LOC400499: variants seen among roughly 807,000 people sequenced by gnomAD.
At chr16:11,431,298 A>C in the LOC400499 span, 2 of 398,744 alleles carry the variant, frequency 5.0e-6, no homozygotes, top group East Asian at 7.1e-5. Context: ...TCCAACCCCA[A>C]TGCTGCTGCT....
chr16:11,446,618 G>A, the LOC400499 span: 2 of 1,536,138 alleles, frequency 1.3e-6, no homozygotes, highest in East Asian at 4.9e-5. Flanking sequence ...TCGTATGGAT[G>A]CATCAGACCT....
chr16:11,427,579 G>A, the LOC400499 span, among the ~76,000 whole-genome samples: 1 of 151,830 alleles, frequency 6.6e-6, no homozygotes, highest in Non-Finnish European at 1.5e-5. Flanking sequence ...ATGTAGCTGG[G>A]ACTGTAGGCA....
the LOC400499 span, among the ~76,000 whole-genome samples, chr16:11,485,605 C>G: frequency 6.6e-6 from 1 of 152,212 alleles, no homozygotes; most frequent in East Asian, 1.9e-4. Flanking sequence ...ATCCTTCCCA[C>G]GCATCCATCC....
the LOC400499 span, among the ~76,000 whole-genome samples, chr16:11,386,464 C>T: frequency 7.2e-5 from 11 of 152,236 alleles, no homozygotes; most frequent in South Asian, 2.1e-4. Flanking sequence ...GACATGACTG[C>T]GCCCACGCTT....
chr16:11,518,164 G>A, the LOC400499 span, among the ~76,000 whole-genome samples: 2 of 152,220 alleles, frequency 1.3e-5, no homozygotes, highest in African/African-American at 4.8e-5. Context: ...CCTTGGAGGA[G>A]ACCCTCCCCT....
chr16:11,384,655 G>C, the LOC400499 span, among the ~76,000 whole-genome samples: 1 of 152,232 alleles, frequency 6.6e-6, no homozygotes, highest in East Asian at 1.9e-4. Context: ...CACTGGAGCC[G>C]CGTGTCCCAC....
At chr16:11,413,254 G>T in the LOC400499 span, among the ~76,000 whole-genome samples, 1 of 152,154 alleles carries the variant, frequency 6.6e-6, no homozygotes, top group Non-Finnish European at 1.5e-5. Context: ...CCAGGAAAGG[G>T]TTTAGATGAA....
chr16:11,402,699 G>A, the LOC400499 span, among the ~76,000 whole-genome samples: 2 of 151,956 alleles, frequency 1.3e-5, no homozygotes, highest in East Asian at 1.9e-4. Context: ...CAGCGGAGCC[G>A]CCCGCTCACC....
chr16:11,408,769 T>C, the LOC400499 span, among the ~76,000 whole-genome samples: 1 of 152,154 alleles, frequency 6.6e-6, no homozygotes, highest in Non-Finnish European at 1.5e-5. Flanking sequence ...AGTTGGGACT[T>C]TTCTGAAGGT....
chr16:11,444,781 C>G, the LOC400499 span, among the ~76,000 whole-genome samples: 1 of 152,026 alleles, frequency 6.6e-6, no homozygotes, highest in Non-Finnish European at 1.5e-5. Context: ...ATTGATGGAT[C>G]ACACAAAAAT....
At chr16:11,468,594 G>T in the LOC400499 span, among the ~76,000 whole-genome samples, 2 of 152,018 alleles carry the variant, frequency 1.3e-5, no homozygotes, top group African/African-American at 2.4e-5. Flanking sequence ...CCAACTTTCT[G>T]TAATTACAGG....
At chr16:11,440,566 AC>A in the LOC400499 span, among the ~76,000 whole-genome samples, 1 of 152,182 alleles carries the variant, frequency 6.6e-6, no homozygotes, top group South Asian at 2.1e-4. Context: ...ATGCATCCTG[AC>A]TAATCACACA....
chr16:11,452,073 C>A, the LOC400499 span, among the ~76,000 whole-genome samples: 1 of 152,064 alleles, frequency 6.6e-6, no homozygotes, highest in Admixed American at 6.5e-5. Flanking sequence ...TTTTGAGTCT[C>A]CAATTAGTTT....
At chr16:11,482,789 G>A in the LOC400499 span, among the ~76,000 whole-genome samples, 2 of 152,024 alleles carry the variant, frequency 1.3e-5, no homozygotes, top group African/African-American at 4.8e-5. Context: ...CTACTCAAGT[G>A]GCTGAGGCTG....
the LOC400499 span, among the ~76,000 whole-genome samples, chr16:11,428,638 G>A: frequency 6.6e-6 from 1 of 152,152 alleles, no homozygotes; most frequent in Non-Finnish European, 1.5e-5. Context: ...ACTGAAACCT[G>A]TTTTATCAGC....
chr16:11,393,824 T>C, the LOC400499 span, among the ~76,000 whole-genome samples: 1 of 152,138 alleles, frequency 6.6e-6, no homozygotes, highest in African/African-American at 2.4e-5. Context: ...ACTCCTATAA[T>C]CCCAGCACTT....
chr16:11,502,637 C>T, the LOC400499 span, among the ~76,000 whole-genome samples: 102,201 of 148,238 alleles, frequency 0.69, 35,591 homozygotes, highest in Admixed American at 0.76. Context: ...TTTTTTGAGA[C>T]GGAGTCTCAC....
chr16:11,512,362 G>A, the LOC400499 span, among the ~76,000 whole-genome samples: 2 of 152,194 alleles, frequency 1.3e-5, no homozygotes, highest in African/African-American at 4.8e-5. Context: ...ACTTTGGGAG[G>A]CCGAGGCAGG....
the LOC400499 span, among the ~76,000 whole-genome samples, chr16:11,376,146 C>T: frequency 6.6e-6 from 1 of 152,194 alleles, no homozygotes; most frequent in Non-Finnish European, 1.5e-5. Flanking sequence ...CATCTTTACT[C>T]CCATTCTGTA....
Sources: gnomAD v4.1 joint callset for allele counts (sites outside exome capture counted in the v4.1 genomes callset) on GRCh38, gnomAD v4.1.1 for gene constraint, MANE v1.5 for transcripts.